Variants in PXYLP1 observed in about 807,000 individuals in gnomAD.
PXYLP1 encodes 2-phosphoxylose phosphatase 1.
Under a neutral mutation model 37.9 loss-of-function variants are expected in PXYLP1, and 17 were observed. The ratio of observed to expected loss-of-function variants is 0.45; its 90% CI spans 0.31 to 0.67. PXYLP1 has a LOEUF of 0.67. Among genes scored for constraint, PXYLP1 ranks in the 30% least tolerant of loss-of-function variants. PXYLP1 has a pLI of 0.07. For missense variants in PXYLP1, 511 were observed against 612.0 expected (o/e 0.84, Z 1.74); for synonymous variants, 221 against 232.2 (o/e 0.95, Z 0.44).
intron 1 of PXYLP1, among the ~76,000 whole-genome samples, chr3:141,232,830 A>AG (rs1333098092): frequency 1.3e-5 from 2 of 152,120 alleles, no homozygotes; most frequent in African/African-American, 2.4e-5. Context: ...AGCGATTGCG[A>AG]GGGGGCTCTG....
chr3:141,232,558 G>A (rs1940548224), intron 1 of PXYLP1: 1 of 152,326 alleles, frequency 6.6e-6, no homozygotes, highest in Admixed American at 6.5e-5. Context: ...CCGAGCGCAG[G>A]TTAACATTCC....
chr3:141,256,803 T>C (rs1941274225), intron 1 of PXYLP1, among the ~76,000 whole-genome samples: 1 of 151,948 alleles, frequency 6.6e-6, no homozygotes, highest in African/African-American at 2.4e-5. Flanking sequence ...CTAGCACAAG[T>C]AGAAATAATG....
At chr3:141,257,473 A>C (rs1941286981) in intron 1 of PXYLP1, among the ~76,000 whole-genome samples, 1 of 152,216 alleles carries the variant, frequency 6.6e-6, no homozygotes, top group Admixed American at 6.5e-5. Flanking sequence ...AAGCCCATGG[A>C]TACAAAGAGC....
intron 1 of PXYLP1, among the ~76,000 whole-genome samples, chr3:141,249,956 A>G (rs1339393099): frequency 2.0e-5 from 3 of 152,160 alleles, no homozygotes; most frequent in Non-Finnish European, 4.4e-5. Flanking sequence ...TATCCTTTGT[A>G]GAGTTGGAAA....
Position 141,294,741 on chromosome 3 carries a change from C to T in PXYLP1, c.*1536C>T, listed in dbSNP as rs1942309724. The T allele has an allele frequency of 6.6e-6, 1 of 152,088 alleles. No individual in the cohort carries two copies. Among genetic ancestry groups the T allele is most frequent in the Admixed American group, 6.6e-5 (1 of 15,266 alleles). The allele number at this position is 152,088 out of a possible 1,614,324, so 9.4% of individuals were successfully genotyped here. A position where few individuals can be genotyped will look rare whatever the true frequency, so the allele number is the denominator to read the frequency against. ...TTCATTCAAATGTCATGCAGAGAAC[C>T]AGTATTTTAAAATTTTATTTTAACT... On this transcript the variant is annotated 3_prime_UTR_variant, in exon 6 of 6. Transcript: ENST00000286353.
intron 2 of PXYLP1, chr3:141,273,968 A>G (rs779706110): frequency 1.1e-5 from 11 of 985,430 alleles, no homozygotes; most frequent in Non-Finnish European, 1.2e-5. Flanking sequence ...TTATCCTTCC[A>G]TCTATTTATC....
chr3:141,270,051 C>A (rs530767470), intron 2 of PXYLP1, among the ~76,000 whole-genome samples: 1 of 152,240 alleles, frequency 6.6e-6, no homozygotes, highest in African/African-American at 2.4e-5. Flanking sequence ...GCAAATAGCC[C>A]AGGGAGCAGA....
chr3:141,271,569 C>G (rs1014002563), intron 2 of PXYLP1, among the ~76,000 whole-genome samples: 4 of 152,190 alleles, frequency 2.6e-5, no homozygotes, highest in African/African-American at 9.7e-5. Context: ...GCTGAGCCAA[C>G]ACTTTAGCCT....
chr3:141,236,452 T>C (rs1436027940), intron 1 of PXYLP1: 1 of 152,208 alleles, frequency 6.6e-6, no homozygotes, highest in African/African-American at 2.4e-5. Context: ...CTGTTTGTGG[T>C]TACAGCCATC....
intron 2 of PXYLP1, among the ~76,000 whole-genome samples, chr3:141,278,141 G>A (rs963688025): frequency 2.0e-5 from 3 of 152,212 alleles, no homozygotes; most frequent in African/African-American, 7.2e-5. Context: ...GGAGAGGGTA[G>A]TGGCAGTGAC....
intron 5 of PXYLP1, among the ~76,000 whole-genome samples, chr3:141,290,310 C>G (rs186545842): frequency 6.6e-6 from 1 of 152,202 alleles, no homozygotes; most frequent in Non-Finnish European, 1.5e-5. Context: ...AGAGAGTAAA[C>G]ACAGGCCTTG....
Position 141,279,509 on chromosome 3 carries a change from A to G in PXYLP1, c.365+5A>G. The G allele has an allele frequency of 2.5e-6, 4 of 1,614,168 alleles. No homozygotes were observed. Among genetic ancestry groups the G allele is most frequent in the Non-Finnish European group, 2.5e-6 (3 of 1,180,006 alleles). On this transcript the variant is annotated splice_donor_5th_base_variant and intron_variant, in intron 4 of 5. Coordinates refer to ENST00000286353, the MANE Select transcript of PXYLP1 (RefSeq NM_001037172.3). ...CTGCACTCTGGTGGCTAACAGGTAAATTGCACTTTTTCTAAAAGTCATTTT... is the reference window on the plus strand; with the variant it reads ...CTGCACTCTGGTGGCTAACAGGTAAGTTGCACTTTTTCTAAAAGTCATTTT...
At chr3:141,262,759 G>A (rs893973601) in intron 2 of PXYLP1, 104 of 1,429,528 alleles carry the variant, frequency 7.3e-5, no homozygotes, top group Non-Finnish European at 8.8e-5. Flanking sequence ...CATTTCTGTA[G>A]AAGTGAGTTT....
At position 141,260,257 on chromosome 3, in the gene PXYLP1, G is replaced by A; in HGVS notation, c.79+3G>A. ...TGTGAGCCTCAGCCTGCAGTTCTGT[G>A]AGTAGAGCCGGGCCCCGCAGGTCGT... On this transcript the variant is annotated splice_donor_region_variant and intron_variant, in intron 2 of 5. Coordinates refer to ENST00000286353, the MANE Select transcript of PXYLP1 (RefSeq NM_001037172.3). 1.2e-6 allele frequency: 2 copies of A among 1,612,476 alleles called. No homozygotes were observed. Among genetic ancestry groups the A allele is most frequent in the South Asian group, 2.2e-5 (2 of 91,078 alleles).
At chr3:141,270,209 A>C (rs1397643418) in intron 2 of PXYLP1, among the ~76,000 whole-genome samples, 1 of 152,208 alleles carries the variant, frequency 6.6e-6, no homozygotes, top group Non-Finnish European at 1.5e-5. Context: ...GAAAACAAGA[A>C]AGGTTGGTGT....
At chr3:141,287,531 G>GC in intron 5 of PXYLP1, 78 bp downstream of exon 5, 1 of 1,545,736 alleles carries the variant, frequency 6.5e-7, no homozygotes, top group Non-Finnish European at 8.7e-7. Context: ...GTTCTCCTGG[G>GC]CGGGGTGCTG....
chr3:141,269,402 G>A (rs1941608302), intron 2 of PXYLP1, among the ~76,000 whole-genome samples: 1 of 151,670 alleles, frequency 6.6e-6, no homozygotes, highest in African/African-American at 2.4e-5. Flanking sequence ...GGATTTATGG[G>A]TGATTTTCCT....
At chr3:141,243,738 G>T (rs1448787570) in intron 1 of PXYLP1, among the ~76,000 whole-genome samples, 2 of 152,190 alleles carry the variant, frequency 1.3e-5, no homozygotes, top group Non-Finnish European at 1.5e-5. Flanking sequence ...GCTAAGTGGG[G>T]CACGAGGCCC....
rs1266270324 is a variant in PXYLP1 at position 141,292,654 on chromosome 3, A to G, written c.892A>G (p.Met298Val). The stretch of plus-strand genomic sequence containing the variant: ...TAGAGCTGCCAACCCCATAGACTCC[A>G]TGCTCTGCCACTTCTGCCACAATGT... The part of the protein sequence containing the change: ...QLRAANPIDS[M>V]LCHFCHNVSF... Residue 298 changes from methionine to valine, a missense_variant, in exon 6 of 6, where the codon ATG (methionine) becomes GTG (valine). Transcript: ENST00000286353. The surrounding 1 kb of genome is among the most constrained non-coding windows in gnomAD (Gnocchi z 4.3). The G allele has an allele frequency of 6.2e-7, 1 of 1,613,550 alleles. No individual in the cohort carries two copies. Among genetic ancestry groups the G allele is most frequent in the Non-Finnish European group, 8.5e-7 (1 of 1,179,714 alleles).
Sources: gnomAD v4.1 joint callset for allele counts (sites outside exome capture counted in the v4.1 genomes callset) on GRCh38, gnomAD v4.1.1 for gene constraint, Gnocchi (gnomAD v3.1) non-coding constraint, MANE v1.5 for transcripts, NCBI Gene and HGNC (gene_info 2026-07-23, HGNC 2026-07-21) for gene names.